Variants in SPATA13 observed in about 807,000 individuals in gnomAD.
SPATA13 encodes spermatogenesis-associated protein 13.
In SPATA13, 50 loss-of-function variants were observed where a neutral mutation model predicts 104.0. The ratio of observed to expected loss-of-function variants is 0.48; its 90% confidence interval spans 0.38 to 0.61. The LOEUF (loss-of-function observed/expected upper bound fraction) is 0.61, where lower values mean the gene tolerates loss of function less well. Ranked by LOEUF, SPATA13 falls within the 20% of genes least tolerant of loss-of-function variation. The pLI, the probability that SPATA13 is intolerant of heterozygous loss-of-function variation, is 0.00. For missense variants in SPATA13, 1,524 were observed against 1,690.6 expected, an observed-to-expected ratio of 0.90 and a Z score of 1.73; for synonymous variants, 606 against 667.5, an observed-to-expected ratio of 0.91 and a Z score of 1.42.
intron 3 of SPATA13, among the ~76,000 whole-genome samples, chr13:24,110,051 G>T (rs1593335703): frequency 6.7e-6 from 1 of 148,906 alleles, no homozygotes. Context: ...ATTTGGCAGC[G>T]GGACATGTCA....
chr13:24,164,893 T>C (rs1218125038), intron 1 of SPATA13, among the ~76,000 whole-genome samples: 1 of 151,864 alleles, frequency 6.6e-6, no homozygotes, highest in Admixed American at 6.6e-5. Flanking sequence ...CTCAGAGGAG[T>C]TCCCAGTCCA....
At chr13:24,167,841 T>C (rs1175667689) in intron 1 of SPATA13, among the ~76,000 whole-genome samples, 3 of 152,214 alleles carry the variant, frequency 2.0e-5, no homozygotes, top group Non-Finnish European at 4.4e-5. Context: ...ATATTCATTC[T>C]TCCTTCATTC....
intron 9 of SPATA13, 112 bp from the exon 10 acceptor site, chr13:24,294,627 G>A: frequency 5.0e-6 from 6 of 1,193,670 alleles, no homozygotes; most frequent in Admixed American, 4.7e-5. Flanking sequence ...TGACGTAAAT[G>A]TCACTTTGTC....
chr13:24,123,368 G>T, intron 3 of SPATA13: 1 of 1,286,162 alleles, frequency 7.8e-7, no homozygotes, highest in Non-Finnish European at 1.1e-6. Flanking sequence ...GAATTACCCA[G>T]CAAGCCCTTG....
intron 4 of SPATA13, among the ~76,000 whole-genome samples, chr13:24,265,426 C>T (rs1001589902): frequency 6.6e-6 from 1 of 152,102 alleles, no homozygotes; most frequent in Admixed American, 6.5e-5. Flanking sequence ...TCTCGGCACT[C>T]GATGATTTAG....
chr13:24,156,284 G>T (rs1294296857), upstream of SPATA13, among the ~76,000 whole-genome samples: 3 of 152,168 alleles, frequency 2.0e-5, no homozygotes, highest in African/African-American at 4.8e-5. Context: ...CAACTGTGAG[G>T]ACAGCGTGAG....
intron 1 of SPATA13, among the ~76,000 whole-genome samples, chr13:24,194,556 C>T (rs1372222398): frequency 1.3e-5 from 2 of 152,114 alleles, no homozygotes; most frequent in South Asian, 2.1e-4. Flanking sequence ...CTTCTGAATC[C>T]GTAACAGTTT....
rs112274389 is a variant in SPATA13 at position 24,226,922 on chromosome 13, C to T, written c.1653+2340C>T. 1.5e-3 allele frequency among the ~76,000 whole-genome samples: 221 copies of T among 152,330 alleles called. 2 individuals are homozygous for T. The highest frequency in any genetic ancestry group is 5.1e-3 in the African/African-American group (212 of 41,572). On this transcript the variant is annotated intron_variant, in intron 2 of 12. Transcript: ENST00000382108. ...CTGGGCAGCCAGAGAAGTGAGACTG[C>T]ATATTGTCTGTTACCTGAGGTTCCC...
In SPATA13 at chr13:24,302,649, A is replaced by G. The variant is rs889622258; in HGVS notation, c.3710A>G (p.His1237Arg). ...CCGCACCAGGGCCTGCACCCCATCC[A>G]CCAGCGCCACATCACTATGCCCACA... ...APPHQGLHPI[H>R]QRHITMPTSV... Residue 1237 changes from histidine to arginine, a missense_variant, in exon 13 of 13, where the codon CAC (histidine) becomes CGC (arginine). Transcript: ENST00000382108. 8.1e-6 allele frequency: 13 copies of G among 1,613,762 alleles called. No homozygotes were observed. The highest frequency in any genetic ancestry group is 1.0e-5 in the Non-Finnish European group (12 of 1,179,892).
At chr13:24,006,575 C>T (rs1324043684) in intron 2 of SPATA13, among the ~76,000 whole-genome samples, 1 of 152,198 alleles carries the variant, frequency 6.6e-6, no homozygotes, top group Non-Finnish European at 1.5e-5. Flanking sequence ...GGCCCAAGTA[C>T]TAATTCATCA....
chr13:24,188,709 C>T (rs1351198327), intron 1 of SPATA13, among the ~76,000 whole-genome samples: 1 of 152,200 alleles, frequency 6.6e-6, no homozygotes, highest in African/African-American at 2.4e-5. Flanking sequence ...CACCAAACAA[C>T]AGATTTTCAG....
intron 9 of SPATA13, among the ~76,000 whole-genome samples, chr13:24,294,019 G>A (rs1210834015): frequency 6.6e-6 from 1 of 152,182 alleles, no homozygotes; most frequent in Non-Finnish European, 1.5e-5. Flanking sequence ...CATTATTAAC[G>A]CTGAGCAAAA....
intron 1 of SPATA13, among the ~76,000 whole-genome samples, chr13:24,183,785 AGGGGGC>A (rs1432537027): frequency 2.0e-5 from 3 of 151,840 alleles, no homozygotes; most frequent in African/African-American, 4.8e-5. Flanking sequence ...TGGGGTGAGA[AGGGGGC>A]GGGGTGAGCA....
At chr13:24,196,856 T>A (rs1435550473) in intron 1 of SPATA13, among the ~76,000 whole-genome samples, 1 of 151,684 alleles carries the variant, frequency 6.6e-6, no homozygotes, top group Non-Finnish European at 1.5e-5. Context: ...TTTCAAGAGA[T>A]AAGGAGAAGC....
intron 12 of SPATA13, among the ~76,000 whole-genome samples, chr13:24,300,956 C>CA (rs1486756638): frequency 1.3e-5 from 2 of 151,974 alleles, no homozygotes; most frequent in Non-Finnish European, 2.9e-5. Context: ...AGGAGTTAGA[C>CA]AAAAAAAGAC....
chr13:24,002,626 G>A (rs988476199), intron 2 of SPATA13, among the ~76,000 whole-genome samples: 2 of 152,112 alleles, frequency 1.3e-5, no homozygotes, highest in African/African-American at 2.4e-5. Flanking sequence ...GGAGCTTCAC[G>A]AATTCACCAG....
intron 3 of SPATA13, among the ~76,000 whole-genome samples, chr13:24,099,334 T>C (rs1278085266): frequency 6.6e-6 from 1 of 152,310 alleles, no homozygotes; most frequent in East Asian, 1.9e-4. Flanking sequence ...CAAATCCCAA[T>C]GAAATTAAAG....
Position 24,223,480 on chromosome 13 carries a change from C to G in SPATA13, c.551C>G (p.Ser184Cys), listed in dbSNP as rs1043296327. 6.5e-7 allele frequency: 1 copy of G among 1,549,384 alleles called. No individual in the cohort carries two copies. The highest frequency in any genetic ancestry group is 8.7e-7 in the Non-Finnish European group (1 of 1,146,980). Residue 184 changes from serine (S) to cysteine (C), a missense_variant, in exon 2 of 13, where the codon TCC (serine) becomes TGC (cysteine). Ser to Cys is a moderately radical substitution (Grantham distance 112, BLOSUM62 -1). Transcript: ENST00000382108. ...RPAEWGTLDG[S>C]DLEDTDDAFQ... ...GCAGAGTGGGGCACATTGGATGGCTCCGACCTCGAGGACACGGACGATGCC... is the reference window on the plus strand; with the variant it reads ...GCAGAGTGGGGCACATTGGATGGCTGCGACCTCGAGGACACGGACGATGCC...
intron 3 of SPATA13, among the ~76,000 whole-genome samples, chr13:24,091,364 C>T (rs1368419154): frequency 1.3e-5 from 2 of 152,224 alleles, no homozygotes; most frequent in African/African-American, 2.4e-5. Flanking sequence ...GCTTTTTGGT[C>T]AGCCTCTTGT....
Sources: gnomAD v4.1 joint callset for allele counts (sites outside exome capture counted in the v4.1 genomes callset) on GRCh38, gnomAD v4.1.1 for gene constraint, MANE v1.5 for transcripts, NCBI Gene and HGNC (gene_info 2026-07-23, HGNC 2026-07-21) for gene names.